TBCD: variants seen among roughly 807,000 people sequenced by gnomAD.
The protein encoded by TBCD is tubulin-specific chaperone D.
In TBCD, 105 loss-of-function variants were observed where a neutral mutation model predicts 169.3. The ratio of observed to expected loss-of-function variants is 0.62; its 90% CI spans 0.53 to 0.73. The LOEUF (loss-of-function observed/expected upper bound fraction) is 0.73, where lower values mean the gene tolerates loss of function less well. Among genes scored for constraint, TBCD ranks in the 30% least tolerant of loss-of-function variants. The probability of loss-of-function intolerance (pLI) is 0.00; values close to 1 mark genes in which losing one functional copy is unlikely to be tolerated. For missense variants in TBCD, 1,444 were observed against 1,600.1 expected (o/e 0.90, Z 1.66); for synonymous variants, 700 against 643.9 (o/e 1.09, Z -1.32).
chr17:82,843,248 C>G (rs1409629558), intron 13 of TBCD, among the ~76,000 whole-genome samples: 2 of 151,844 alleles, frequency 1.3e-5, no homozygotes, highest in East Asian at 3.9e-4. Context: ...GTGGGGTTCT[C>G]CAGTTAACAC....
Position 82,805,915 on chromosome 17 carries a change from C to G in TBCD, c.991C>G (p.Leu331Val), listed in dbSNP as rs369989197. The change falls in exon 10 of 39, where the codon CTC (leucine) becomes GTC (valine). Residue 331 changes from leucine (L) to valine (V), a missense_variant. Leu to Val is a conservative substitution (Grantham distance 32). Transcript: ENST00000355528. ...GCRSLAANLQ[L>V]LTQGQSEQKP... ...CCGATCTTTGGCTGCAAATCTGCAG[C>G]TCCTCACTCAGGGTCAGAGTGAGCA... is the stretch of plus-strand genomic sequence containing the variant. 37 of 1,612,472 alleles carry G rather than the reference C, an allele frequency of 2.3e-5. No individual in the cohort carries two copies. Among genetic ancestry groups the G allele is most frequent in the Non-Finnish European group, 3.0e-5 (35 of 1,178,716 alleles).
intron 13 of TBCD, among the ~76,000 whole-genome samples, chr17:82,818,542 G>A (rs1598694546): frequency 6.6e-6 from 1 of 152,214 alleles, no homozygotes; most frequent in Non-Finnish European, 1.5e-5. Context: ...AAGGCAGGAG[G>A]ATCACTTGAG....
chr17:82,814,955 CAG>C lies in TBCD; in HGVS notation c.1318+22_1318+23del, dbSNP rs766679478. 16 of 1,610,028 alleles carry C rather than the reference CAG, an allele frequency of 9.9e-6. No homozygotes were observed. In the South Asian group the frequency reaches 1.5e-4, roughly 16 times the overall value. On this transcript the variant is annotated intron_variant, in intron 13 of 38. Coordinates refer to ENST00000355528, the MANE Select transcript of TBCD (RefSeq NM_005993.5). ...GGATGGTGAGTAGCTGAGGCACGGTCAGGGGGGATGTCTGGCGCTGGCGGAGC... is the reference window on the plus strand; with the variant it reads ...GGATGGTGAGTAGCTGAGGCACGGTCGGGGGATGTCTGGCGCTGGCGGAGC...
At chr17:82,774,152 CAT>C (rs2048444694) in intron 6 of TBCD, among the ~76,000 whole-genome samples, 1 of 150,984 alleles carries the variant, frequency 6.6e-6, no homozygotes, top group Non-Finnish European at 1.5e-5. Flanking sequence ...CGCAGATAAA[CAT>C]GTGAACAAAG....
At chr17:82,761,440 C>T (rs1005676670) in intron 2 of TBCD, among the ~76,000 whole-genome samples, 1 of 152,106 alleles carries the variant, frequency 6.6e-6, no homozygotes, top group East Asian at 1.9e-4. Flanking sequence ...GTTTGAGTTT[C>T]GGTAAATGTA....
intron 17 of TBCD, among the ~76,000 whole-genome samples, chr17:82,899,297 G>A (rs2059722745): frequency 6.7e-6 from 1 of 149,886 alleles, no homozygotes; most frequent in Admixed American, 6.6e-5. Flanking sequence ...CAGTGCGTGT[G>A]TCCTCCGCTC....
In TBCD at chr17:82,915,828, T is replaced by C. The variant is rs2060989609; in HGVS notation, c.2038+4039T>C. On this transcript the variant is annotated intron_variant, in intron 23 of 38. Transcript: ENST00000355528. This position sits in a 1 kb window ranked among gnomAD's most constrained non-coding sequence, Gnocchi z 4.3. ...GTGAGCCTTGAGTCGGCCACAGGTG[T>C]GTGGAGGATCGTGACTTAGCAAGCC... 6.6e-6 allele frequency among the ~76,000 whole-genome samples: 1 copy of C among 151,990 alleles called. No individual in the cohort carries two copies. The highest frequency in any genetic ancestry group is 2.1e-4 in the South Asian group (1 of 4,812).
intron 34 of TBCD, 148 bp downstream of exon 34, chr17:82,932,883 C>G: frequency 1.4e-6 from 1 of 691,376 alleles, no homozygotes; most frequent in Non-Finnish European, 2.5e-6. Context: ...TAAATACCGT[C>G]ATCACAGCTG....
At position 82,925,071 on chromosome 17, in the gene TBCD, C is replaced by T. The variant is rs368850741; in HGVS notation, c.2379+14C>T. On this transcript the variant is annotated intron_variant, in intron 27 of 38. Coordinates refer to ENST00000355528, the MANE Select transcript of TBCD (RefSeq NM_005993.5). ...CGGCTCCAGCAGGTGAGGCTGGCCA[C>T]GCGCAGTGGACGGGGCCTAGGGCGA... The T allele has an allele frequency of 1.1e-4, 165 of 1,543,860 alleles. 1 individual carries two copies. Among genetic ancestry groups the T allele is most frequent in the Middle Eastern group, 3.6e-4 (2 of 5,570 alleles).
At chr17:82,882,208 G>T (rs908822674) in intron 14 of TBCD, among the ~76,000 whole-genome samples, 4 of 152,212 alleles carry the variant, frequency 2.6e-5, no homozygotes, top group Admixed American at 2.0e-4. Flanking sequence ...TTTGCTGTGG[G>T]CTCACCTCTG....
chr17:82,752,169 G>T lies in TBCD; in HGVS notation c.-25G>T. 2 of 1,501,564 alleles carry T rather than the reference G, an allele frequency of 1.3e-6. No individual in the cohort carries two copies. Among genetic ancestry groups the T allele is most frequent in the Middle Eastern group, 2.1e-4 (1 of 4,746 alleles). 93.0% of individuals were successfully genotyped at this position (1,501,564 alleles called of 1,614,324 possible). A position where few individuals can be genotyped will look rare whatever the true frequency, so the allele number is the denominator to read the frequency against. On this transcript the variant is annotated 5_prime_UTR_variant, in exon 1 of 39. Transcript: ENST00000355528. ...GTGGGATCTGCGAACACGTGAGGCG[G>T]GGGCGCGGTCCCCAGGCTGCCGAGA...
intron 37 of TBCD, among the ~76,000 whole-genome samples, chr17:82,940,244 C>CACACA: frequency 6.6e-6 from 1 of 150,812 alleles, no homozygotes; most frequent in African/African-American, 2.4e-5. Context: ...CACACACACA[C>CACACA]ACTTCTAAAA....
chr17:82,806,153 GC>G lies in TBCD; in HGVS notation c.1087+145del. ...CCCCTTCGCTGAGTGCACGGTCACT[GC>G]CCGTCCTCTGGCTCCTGAACCCAGG... On this transcript the variant is annotated intron_variant, in intron 10 of 38. Coordinates refer to ENST00000355528, the MANE Select transcript of TBCD (RefSeq NM_005993.5). The surrounding 1 kb of genome is among the most constrained non-coding windows in gnomAD (Gnocchi z 5.1). 1 of 1,164,658 alleles carries G rather than the reference GC, an allele frequency of 8.6e-7. No homozygotes were observed. The highest frequency in any genetic ancestry group is 1.2e-6 in the Non-Finnish European group (1 of 838,568). 72.1% of individuals were successfully genotyped at this position (1,164,658 alleles called of 1,614,324 possible).
intron 12 of TBCD, 145 bp downstream of exon 12, chr17:82,809,927 T>A: frequency 1.5e-6 from 1 of 670,584 alleles, no homozygotes; most frequent in Non-Finnish European, 2.5e-6. Flanking sequence ...GAAGTTAAAC[T>A]TGAGAACTCT....
chr17:82,860,896 C>T (rs1001117145), intron 13 of TBCD, among the ~76,000 whole-genome samples: 2 of 152,202 alleles, frequency 1.3e-5, no homozygotes, highest in South Asian at 2.1e-4. Flanking sequence ...CCATTGCACC[C>T]GGCCCTGGAC....
rs778040959 is a variant in TBCD at position 82,932,704 on chromosome 17, G to T, written c.3160G>T (p.Gly1054Cys). Residue 1054 changes from glycine (G) to cysteine (C), a missense_variant, in exon 34 of 39, where the codon GGC becomes TGC. Coordinates refer to ENST00000355528, the MANE Select transcript of TBCD (RefSeq NM_005993.5). ...LKTLDHVLTH[G>C]CFDIFTTEED... ...GACGCTGGACCACGTGCTCACCCAC[G>T]GCTGCTTCGACATCTTCACCACGGA... The T allele has an allele frequency of 6.2e-7, 1 of 1,613,910 alleles. No individual in the cohort carries two copies. The highest frequency in any genetic ancestry group is 8.5e-7 in the Non-Finnish European group (1 of 1,179,890).
chr17:82,886,138 CGCCCTGCATT>C lies in TBCD; in HGVS notation c.1533+1943_1533+1952del, dbSNP rs1288591895. On this transcript the variant is annotated intron_variant, in intron 15 of 38. Coordinates refer to ENST00000355528, the MANE Select transcript of TBCD (RefSeq NM_005993.5). Reference sequence around the variant, plus strand: ...CGGTCCCTTGCCCCTGAACTCTAGACGCCCTGCATTGCCCTGGTGCTCCCATGTCAAGACT... The same window carrying C: ...CGGTCCCTTGCCCCTGAACTCTAGACGCCCTGGTGCTCCCATGTCAAGACT... 3 of 152,382 alleles carry C rather than the reference CGCCCTGCATT, an allele frequency of 2.0e-5. No homozygotes were observed. The South Asian group carries it at 6.2e-4, about 32-fold the overall frequency. 9.4% of individuals were successfully genotyped at this position (152,382 alleles called of 1,614,324 possible).
At position 82,893,579 on chromosome 17, in the gene TBCD, C is replaced by T. The variant is rs958448051; in HGVS notation, c.1596C>T (p.Thr532=). 2 of 1,611,930 alleles carry T rather than the reference C, an allele frequency of 1.2e-6. No homozygotes were observed. The highest frequency in any genetic ancestry group is 1.7e-6 in the Non-Finnish European group (2 of 1,179,104). The change falls in exon 17 of 39, where the codon ACC becomes ACT. Residue 532 remains threonine (T), a synonymous_variant. Transcript: ENST00000355528. ...TCCCTCATGGTATTGATATTTTGAC[C>T]ACAGCTGACTATTTTGCCGTCGGTA... ...GTFPHGIDIL[T]TADYFAVGNR...
In TBCD at chr17:82,835,291, C is replaced by T. The variant is rs74002548; in HGVS notation, c.1318+20357C>T. On this transcript the variant is annotated intron_variant, in intron 13 of 38. Transcript: ENST00000355528. The surrounding 1 kb of genome is among the most constrained non-coding windows in gnomAD (Gnocchi z 4.5). ...AGGCGCCACCCCTCCTCCCTGCACC[C>T]GTGTCCTTCCTCCCACACGCCAGGG... Among the ~76,000 whole-genome samples, 1,559 of 152,266 alleles carry T rather than the reference C, an allele frequency of 0.01. 21 individuals carry two copies. The highest frequency in any genetic ancestry group is 0.035 in the African/African-American group (1,449 of 41,542).
Sources: allele counts gnomAD v4.1 joint callset (sites outside exome capture counted in the v4.1 genomes callset), GRCh38; gene constraint gnomAD v4.1.1; non-coding constraint Gnocchi (gnomAD v3.1); transcripts MANE v1.5; gene names NCBI Gene and HGNC (gene_info 2026-07-23, HGNC 2026-07-21).